Variants in AUTS2 observed in about 807,000 individuals in gnomAD.
The protein encoded by AUTS2 is autism susceptibility gene 2 protein.
AUTS2 carries 17 observed loss-of-function variants against 112.4 expected under a neutral mutation model. The ratio of observed to expected loss-of-function variants is 0.15; its 90% CI spans 0.10 to 0.23. The LOEUF (loss-of-function observed/expected upper bound fraction) is 0.23, where lower values mean the gene tolerates loss of function less well. Among genes scored for constraint, AUTS2 ranks in the 10% least tolerant of loss-of-function variants. The probability of loss-of-function intolerance (pLI) is 1.00; values close to 1 mark genes in which losing one functional copy is unlikely to be tolerated. For synonymous variants in AUTS2, 751 were observed against 702.7 expected (o/e 1.07, Z -1.09); for missense variants, 1,510 against 1,701.6 (o/e 0.89, Z 1.98).
At chr7:70,284,977 A>T (rs1449937001) in intron 4 of AUTS2, among the ~76,000 whole-genome samples, 1 of 152,138 alleles carries the variant, frequency 6.6e-6, no homozygotes, top group Non-Finnish European at 1.5e-5. Context: ...TGCAGCTTTT[A>T]TTTACTATTG....
intron 2 of AUTS2, among the ~76,000 whole-genome samples, chr7:69,983,208 AT>A (rs1180489253): frequency 6.6e-6 from 1 of 152,036 alleles, no homozygotes; most frequent in Admixed American, 6.6e-5. Flanking sequence ...TTTATAACTA[AT>A]TGTATATACT....
chr7:70,122,162 G>A (rs981037985), intron 3 of AUTS2, among the ~76,000 whole-genome samples: 1 of 152,188 alleles, frequency 6.6e-6, no homozygotes. Flanking sequence ...AAGTAGAATA[G>A]AACTTACCAG....
chr7:70,058,980 G>A (rs568726076), intron 2 of AUTS2, among the ~76,000 whole-genome samples: 211 of 152,186 alleles, frequency 1.4e-3, no homozygotes, highest in Non-Finnish European at 2.5e-3. Flanking sequence ...GCACCAGTAT[G>A]GTACAGTTGC....
At chr7:70,529,710 G>A (rs749570840) in intron 5 of AUTS2, among the ~76,000 whole-genome samples, 3 of 152,196 alleles carry the variant, frequency 2.0e-5, no homozygotes, top group Non-Finnish European at 4.4e-5. Context: ...GCCGAATGAA[G>A]GATGCGACTT....
At chr7:70,235,616 A>G (rs538643898) in intron 4 of AUTS2, among the ~76,000 whole-genome samples, 87 of 151,810 alleles carry the variant, frequency 5.7e-4, no homozygotes, top group Admixed American at 9.8e-4. Context: ...AAAGCAGGAT[A>G]CCTATCTTCC....
intron 2 of AUTS2, among the ~76,000 whole-genome samples, chr7:70,114,036 C>T (rs780695823): frequency 2.4e-4 from 37 of 152,316 alleles, no homozygotes; most frequent in Non-Finnish European, 4.1e-4. Context: ...GAAAAACAAA[C>T]TAGCTTCTTA....
chr7:69,715,828 C>G (rs988147501), intron 1 of AUTS2, among the ~76,000 whole-genome samples: 2 of 152,184 alleles, frequency 1.3e-5, no homozygotes, highest in South Asian at 4.1e-4. Context: ...TATATGAACT[C>G]ATTTAATTTT....
Position 70,516,938 on chromosome 7 carries a change from AT to A in AUTS2, c.690+81160del, listed in dbSNP as rs563055767. On this transcript the variant is annotated intron_variant, in intron 5 of 18. Coordinates refer to ENST00000342771, the MANE Select transcript of AUTS2 (RefSeq NM_015570.4). ...TTACAATGAAAAAAAAATGTGAGGGATTTGTGTTTGGGTAGTGGGGGAATTA... is the reference window on the plus strand; with the variant it reads ...TTACAATGAAAAAAAAATGTGAGGGATTGTGTTTGGGTAGTGGGGGAATTA... Among the ~76,000 whole-genome samples, 5 of 152,196 alleles carry A rather than the reference AT, an allele frequency of 3.3e-5. No homozygotes were observed. In the South Asian group the frequency reaches 8.3e-4, roughly 25 times the overall value.
At chr7:70,179,702 A>T (rs1055181111) in intron 4 of AUTS2, among the ~76,000 whole-genome samples, 2 of 152,230 alleles carry the variant, frequency 1.3e-5, no homozygotes, top group African/African-American at 4.8e-5. Flanking sequence ...CTCTAAGGTT[A>T]GTATAAATTT....
intron 5 of AUTS2, among the ~76,000 whole-genome samples, chr7:70,527,748 T>G (rs978259008): frequency 2.0e-5 from 3 of 152,224 alleles, no homozygotes; most frequent in Admixed American, 2.0e-4. Flanking sequence ...TCAAGTTGAA[T>G]TCACTGGGGG....
chr7:70,123,021 G>A (rs1044734308), intron 3 of AUTS2, among the ~76,000 whole-genome samples: 2 of 151,898 alleles, frequency 1.3e-5, no homozygotes, highest in South Asian at 2.1e-4. Flanking sequence ...GATTACAGGC[G>A]CTTGCCACCA....
At chr7:70,178,971 T>C (rs1247039151) in intron 4 of AUTS2, among the ~76,000 whole-genome samples, 1 of 152,192 alleles carries the variant, frequency 6.6e-6, no homozygotes, top group African/African-American at 2.4e-5. Flanking sequence ...TGTGTTTTTA[T>C]GGGTAGGACT....
chr7:69,746,696 G>A (rs764305915), intron 1 of AUTS2, among the ~76,000 whole-genome samples: 2 of 152,088 alleles, frequency 1.3e-5, no homozygotes, highest in Non-Finnish European at 2.9e-5. Flanking sequence ...GCAGAGGAGG[G>A]GTAGCAGATG....
intron 2 of AUTS2, among the ~76,000 whole-genome samples, chr7:70,105,121 T>C (rs1477662134): frequency 6.6e-6 from 1 of 152,254 alleles, no homozygotes; most frequent in Non-Finnish European, 1.5e-5. Context: ...GTCTTGACTC[T>C]GCTGTTTCAT....
chr7:69,910,496 CTT>C (rs1235615050), intron 2 of AUTS2, among the ~76,000 whole-genome samples: 1 of 152,210 alleles, frequency 6.6e-6, no homozygotes, highest in East Asian at 1.9e-4. Context: ...GTTTAATGGA[CTT>C]ACACTTCCAC....
At chr7:70,639,354 CT>C (rs1407583069) in intron 5 of AUTS2, among the ~76,000 whole-genome samples, 1 of 151,918 alleles carries the variant, frequency 6.6e-6, no homozygotes, top group African/African-American at 2.4e-5. Flanking sequence ...AGATTGAAAC[CT>C]TTCCCCCTCT....
chr7:69,933,262 T>G (rs1796289674), intron 2 of AUTS2, among the ~76,000 whole-genome samples: 1 of 152,232 alleles, frequency 6.6e-6, no homozygotes, highest in South Asian at 2.1e-4. Context: ...TTATACCACA[T>G]TAAATTGTGT....
chr7:70,245,171 A>ATATATATATATATAT (rs61292882), intron 4 of AUTS2, among the ~76,000 whole-genome samples: 28 of 129,550 alleles, frequency 2.2e-4, no homozygotes, highest in African/African-American at 9.2e-4. Flanking sequence ...TATATATATA[A>ATATATATATATATAT]AAAATAAAAA....
At chr7:70,031,683 T>C (rs191870391) in intron 2 of AUTS2, among the ~76,000 whole-genome samples, 20 of 152,236 alleles carry the variant, frequency 1.3e-4, no homozygotes, top group Admixed American at 7.2e-4. Context: ...GGCCCTAGAT[T>C]TCCTGCACAA....
Sources: allele counts gnomAD v4.1 joint callset (sites outside exome capture counted in the v4.1 genomes callset), GRCh38; gene constraint gnomAD v4.1.1; transcripts MANE v1.5; gene names NCBI Gene and HGNC (gene_info 2026-07-23, HGNC 2026-07-21).